The following FBXL7 variants were observed in gnomAD, a reference collection of about 807,000 sequenced individuals.
FBXL7 encodes the protein F-box and leucine rich repeat protein 7.
FBXL7 carries 12 observed loss-of-function variants against 38.3 expected under a neutral mutation model. The ratio of observed to expected loss-of-function variants is 0.31; its 90% CI spans 0.20 to 0.51. The LOEUF (loss-of-function observed/expected upper bound fraction) is 0.51, where lower values mean the gene tolerates loss of function less well. FBXL7 is among the 20% of genes least tolerant of loss of function. FBXL7 has a pLI of 0.98. For missense variants in FBXL7, 567 were observed against 676.4 expected (o/e 0.84, Z 1.79); for synonymous variants, 297 against 300.9 (o/e 0.99, Z 0.13).
chr5:15,884,973 A>G (rs1186272906), intron 2 of FBXL7, among the ~76,000 whole-genome samples: 4 of 152,216 alleles, frequency 2.6e-5, no homozygotes, highest in Admixed American at 2.6e-4. Flanking sequence ...TAGATAACAA[A>G]TTACCCCAAA....
intron 2 of FBXL7, among the ~76,000 whole-genome samples, chr5:15,733,590 G>A (rs980182138): frequency 2.6e-5 from 4 of 152,092 alleles, no homozygotes; most frequent in African/African-American, 9.7e-5. Context: ...AATACAACCT[G>A]TAGGCCTATA....
intron 2 of FBXL7, among the ~76,000 whole-genome samples, chr5:15,882,301 G>A (rs1022355457): frequency 1.3e-5 from 2 of 152,212 alleles, no homozygotes; most frequent in African/African-American, 4.8e-5. Context: ...TATACTGAAT[G>A]TAAGATCCTA....
intron 2 of FBXL7, among the ~76,000 whole-genome samples, chr5:15,801,667 G>A (rs780089022): frequency 2.4e-3 from 353 of 144,598 alleles, no homozygotes; most frequent in Non-Finnish European, 3.9e-3. Flanking sequence ...GCGCGCGCGC[G>A]TGTGTGTGTG....
intron 2 of FBXL7, among the ~76,000 whole-genome samples, chr5:15,805,313 A>G (rs534841959): frequency 9.2e-5 from 14 of 152,262 alleles, no homozygotes; most frequent in Non-Finnish European, 1.5e-4. Context: ...GGATTCCACA[A>G]TATGACTTGC....
At chr5:15,868,732 C>T (rs1401780682) in intron 2 of FBXL7, among the ~76,000 whole-genome samples, 2 of 152,144 alleles carry the variant, frequency 1.3e-5, no homozygotes, top group Admixed American at 1.3e-4. Context: ...ATGACACAAT[C>T]TCACCTCTGT....
intron 2 of FBXL7, among the ~76,000 whole-genome samples, chr5:15,690,557 A>C (rs1184078344): frequency 2.0e-5 from 3 of 152,204 alleles, no homozygotes; most frequent in Non-Finnish European, 4.4e-5. Flanking sequence ...AAAATACTCC[A>C]TTGTAGCTAT....
At chr5:15,558,001 G>A (rs1174066144) in intron 1 of FBXL7, among the ~76,000 whole-genome samples, 1 of 152,186 alleles carries the variant, frequency 6.6e-6, no homozygotes, top group Non-Finnish European at 1.5e-5. Context: ...TAAGTGGAGG[G>A]GGAGAAGGAA....
chr5:15,927,112 A>T (rs963469435), intron 2 of FBXL7, among the ~76,000 whole-genome samples: 21 of 152,030 alleles, frequency 1.4e-4, no homozygotes, highest in African/African-American at 5.1e-4. Context: ...CTATGACCTG[A>T]TGGGATTTGT....
intron 2 of FBXL7, among the ~76,000 whole-genome samples, chr5:15,642,377 C>T (rs554515484): frequency 8.1e-4 from 123 of 152,278 alleles, no homozygotes; most frequent in Non-Finnish European, 1.4e-3. Context: ...TGAGCAATTT[C>T]CAAGGGTCCC....
intron 1 of FBXL7, among the ~76,000 whole-genome samples, chr5:15,581,993 A>T (rs1406288906): frequency 1.3e-5 from 2 of 152,142 alleles, no homozygotes; most frequent in Admixed American, 1.3e-4. Flanking sequence ...GCTGGAGTGC[A>T]GTGGCATGAT....
chr5:15,734,133 A>T (rs55983626), intron 2 of FBXL7, among the ~76,000 whole-genome samples: 108,393 of 150,210 alleles, frequency 0.72, 39,715 homozygotes, highest in East Asian at 0.88. Context: ...AAAAAAAAAA[A>T]AGCTTGTTAA....
At chr5:15,917,531 C>G (rs1364869507) in intron 2 of FBXL7, among the ~76,000 whole-genome samples, 1 of 151,992 alleles carries the variant, frequency 6.6e-6, no homozygotes, top group Non-Finnish European at 1.5e-5. Flanking sequence ...TCCCTTGAGT[C>G]CAGGGGTTCA....
chr5:15,767,678 C>T (rs374906539), intron 2 of FBXL7, among the ~76,000 whole-genome samples: 4 of 152,244 alleles, frequency 2.6e-5, no homozygotes, highest in African/African-American at 9.6e-5. Flanking sequence ...CCTTATTTCA[C>T]GCCTTTGCTA....
At chr5:15,636,575 G>GC (rs1176190130) in intron 2 of FBXL7, among the ~76,000 whole-genome samples, 1 of 152,078 alleles carries the variant, frequency 6.6e-6, no homozygotes, top group African/African-American at 2.4e-5. Flanking sequence ...GTAGATTAAA[G>GC]CAGGGAATCA....
Position 15,500,481 on chromosome 5 carries a change from G to A in FBXL7, c.-196G>A. On this transcript the variant is annotated 5_prime_UTR_variant, in exon 1 of 4. Transcript: ENST00000504595. The stretch of plus-strand genomic sequence containing the variant: ...GTGCCCGGCCCCGCCTGGAGCCACC[G>A]GGGGTGCCAGGAGGGGACGCAGCAC... The A allele has an allele frequency of 1.4e-6, 1 of 692,854 alleles. No individual in the cohort carries two copies. The highest frequency in any genetic ancestry group is 2.5e-6 in the Non-Finnish European group (1 of 395,308). 42.9% of individuals were successfully genotyped at this position (692,854 alleles called of 1,614,324 possible).
At chr5:15,766,308 T>C (rs1407577043) in intron 2 of FBXL7, among the ~76,000 whole-genome samples, 1 of 152,196 alleles carries the variant, frequency 6.6e-6, no homozygotes, top group Non-Finnish European at 1.5e-5. Flanking sequence ...ACCCACTATA[T>C]TGAATGTAGT....
Position 15,500,434 on chromosome 5 carries a change from G to C in FBXL7, c.-243G>C. The C allele has an allele frequency of 2.1e-6, 1 of 482,614 alleles. No individual in the cohort carries two copies. Among genetic ancestry groups the C allele is most frequent in the South Asian group, 2.7e-5 (1 of 36,716 alleles). The allele number at this position is 482,614 out of a possible 1,614,324, so 29.9% of individuals were successfully genotyped here. Reference sequence around the variant, plus strand: ...GGCGCTGCGCCCGCCGGCCCCCAGCGCGGATTGTAAGTGCTGCAGCTGTGC... The same window carrying C: ...GGCGCTGCGCCCGCCGGCCCCCAGCCCGGATTGTAAGTGCTGCAGCTGTGC... On this transcript the variant is annotated 5_prime_UTR_variant, in exon 1 of 4. Coordinates refer to ENST00000504595, the MANE Select transcript of FBXL7 (RefSeq NM_012304.5).
intron 2 of FBXL7, among the ~76,000 whole-genome samples, chr5:15,704,522 G>A (rs967251847): frequency 1.3e-5 from 2 of 152,196 alleles, no homozygotes; most frequent in Non-Finnish European, 2.9e-5. Context: ...AAAGCACTAT[G>A]ATGCAGAGCT....
chr5:15,678,863 A>T (rs911903800), intron 2 of FBXL7, among the ~76,000 whole-genome samples: 1 of 152,138 alleles, frequency 6.6e-6, no homozygotes, highest in Non-Finnish European at 1.5e-5. Context: ...TCTCTATATA[A>T]ATTATCCAGT....
Sources: gnomAD v4.1 joint callset for allele counts (sites outside exome capture counted in the v4.1 genomes callset) on GRCh38, gnomAD v4.1.1 for gene constraint, MANE v1.5 for transcripts, NCBI Gene and HGNC (gene_info 2026-07-23, HGNC 2026-07-21) for gene names.